PDSS2: variants seen among roughly 807,000 people sequenced by gnomAD.
PDSS2 encodes the protein decaprenyl diphosphate synthase subunit 2, also known as all trans-polyprenyl-diphosphate synthase PDSS2.
Under a neutral mutation model 44.5 loss-of-function variants are expected in PDSS2, and 31 were observed. That is an observed-to-expected ratio of 0.70 (90% CI 0.52 to 0.94). The LOEUF (loss-of-function observed/expected upper bound fraction) is 0.94. PDSS2 is among the 40% of genes least tolerant of loss of function. The probability of loss-of-function intolerance (pLI) is 0.00; values close to 1 mark genes in which losing one functional copy is unlikely to be tolerated. For missense variants in PDSS2, 452 were observed against 482.2 expected, an observed-to-expected ratio of 0.94 and a Z score of 0.59; for synonymous variants, 157 against 180.3, an observed-to-expected ratio of 0.87 and a Z score of 1.03.
chr6:107,459,217 C>T lies in PDSS2; in HGVS notation c.69G>A (p.Leu23=). Residue 23 remains leucine (L), a synonymous_variant, in exon 1 of 8, where the codon CTG becomes CTA. Coordinates refer to ENST00000369037, the MANE Select transcript of PDSS2 (RefSeq NM_020381.4). This position sits in a 1 kb window ranked among gnomAD's most constrained non-coding sequence, Gnocchi z 4.3. ...YLGASGSPRR[L]WWSPSLDTIS... ...TGGTGTCGAGGGACGGGGACCACCA[C>T]AGGCGACGCGGGGAACCCGAGGCTC... 1 of 1,614,130 alleles carries T rather than the reference C, an allele frequency of 6.2e-7. No homozygotes were observed. Among genetic ancestry groups the T allele is most frequent in the Non-Finnish European group, 8.5e-7 (1 of 1,180,014 alleles).
chr6:107,156,980 TAAAG>T (rs1770922600), intron 7 of PDSS2, among the ~76,000 whole-genome samples: 1 of 152,160 alleles, frequency 6.6e-6, no homozygotes, highest in Non-Finnish European at 1.5e-5. Flanking sequence ...AATCACTTCC[TAAAG>T]AGTCTTCCCA....
intron 7 of PDSS2, among the ~76,000 whole-genome samples, chr6:107,170,024 A>C (rs1217684397): frequency 6.6e-5 from 10 of 152,146 alleles, no homozygotes; most frequent in African/African-American, 1.9e-4. Flanking sequence ...GGGACATTTA[A>C]GTCTCCAGAG....
intron 1 of PDSS2, among the ~76,000 whole-genome samples, chr6:107,442,881 C>A (rs996673398): frequency 6.6e-6 from 1 of 152,172 alleles, no homozygotes; most frequent in Admixed American, 6.5e-5. Context: ...TTCCTCTATC[C>A]GCAAGAACAT....
chr6:107,359,427 A>G (rs1297355729), intron 1 of PDSS2, among the ~76,000 whole-genome samples: 2 of 151,634 alleles, frequency 1.3e-5, no homozygotes, highest in Non-Finnish European at 2.9e-5. Context: ...GTTCGAGACC[A>G]GCCTTGCCAA....
chr6:107,432,592 A>T (rs543583076), intron 1 of PDSS2, among the ~76,000 whole-genome samples: 1 of 152,200 alleles, frequency 6.6e-6, no homozygotes, highest in East Asian at 1.9e-4. Context: ...GGAGTTTGAG[A>T]CCAGCCTAGC....
intron 1 of PDSS2, among the ~76,000 whole-genome samples, chr6:107,428,705 T>G (rs1005784658): frequency 2.6e-5 from 4 of 152,052 alleles, no homozygotes; most frequent in Non-Finnish European, 5.9e-5. Flanking sequence ...GGTATAGTAG[T>G]GTACACCTAT....
At chr6:107,239,269 T>C (rs1437607570) in intron 4 of PDSS2, among the ~76,000 whole-genome samples, 1 of 152,048 alleles carries the variant, frequency 6.6e-6, no homozygotes, top group Admixed American at 6.6e-5. Context: ...AGAGAGAGAC[T>C]CCGTCTCAAA....
rs1782154367 is a variant in PDSS2 at position 107,459,039 on chromosome 6, G to C, written c.247C>G (p.Gln83Glu). Residue 83 changes from glutamine (Q) to glutamate (E), a missense_variant, in exon 1 of 8, where the codon CAG (glutamine) becomes GAG (glutamate). Physicochemically the swap from Gln to Glu is conservative, Grantham distance 29. Coordinates refer to ENST00000369037, the MANE Select transcript of PDSS2 (RefSeq NM_020381.4). This position sits in a 1 kb window ranked among gnomAD's most constrained non-coding sequence, Gnocchi z 4.3. ...TGAGTGCCCACCAGCTTCCGCACCT[G>C]CATAGCGATGTTGCTGAGCTCGTCG... The part of the protein sequence containing the change: ...LSDELSNIAM[Q>E]VRKLVGTQHP... The C allele has an allele frequency of 6.2e-7, 1 of 1,614,052 alleles. No homozygotes were observed. Among genetic ancestry groups the C allele is most frequent in the Non-Finnish European group, 8.5e-7 (1 of 1,180,030 alleles).
intron 1 of PDSS2, among the ~76,000 whole-genome samples, chr6:107,372,333 C>T (rs1296796892): frequency 6.6e-6 from 1 of 152,044 alleles, no homozygotes; most frequent in Non-Finnish European, 1.5e-5. Context: ...CTCTGAAGTA[C>T]AGCTATTCTA....
At chr6:107,187,387 C>T (rs540165773) in intron 7 of PDSS2, among the ~76,000 whole-genome samples, 2 of 152,066 alleles carry the variant, frequency 1.3e-5, no homozygotes, top group Non-Finnish European at 1.5e-5. Context: ...TCTTAAGGCC[C>T]GGTGTGGTGG....
intron 3 of PDSS2, among the ~76,000 whole-genome samples, chr6:107,254,667 T>C (rs1774945918): frequency 6.6e-6 from 1 of 152,142 alleles, no homozygotes; most frequent in South Asian, 2.1e-4. Context: ...TCTGAGAGAA[T>C]TATCCTTGCC....
chr6:107,172,438 C>G (rs941981249), intron 7 of PDSS2, among the ~76,000 whole-genome samples: 1 of 152,126 alleles, frequency 6.6e-6, no homozygotes, highest in Non-Finnish European at 1.5e-5. Flanking sequence ...CACCTGTAAT[C>G]CTAGCACTTT....
rs768899441 is a variant in PDSS2 at position 107,459,008 on chromosome 6, G to C, written c.278C>G (p.Pro93Arg). Residue 93 changes from proline (P) to arginine (R), a missense_variant, in exon 1 of 8, where the codon CCT (proline) becomes CGT (arginine). Transcript: ENST00000369037. This position sits in a 1 kb window ranked among gnomAD's most constrained non-coding sequence, Gnocchi z 4.3. Reference protein sequence around the residue: ...QVRKLVGTQHPLLTTARGLVH... With the variant: ...QVRKLVGTQHRLLTTARGLVH... Reference sequence around the variant, plus strand: ...AGCTCACCTGGCTGTGGTAAGCAGAGGGTGCTGAGTGCCCACCAGCTTCCG... The same window carrying C: ...AGCTCACCTGGCTGTGGTAAGCAGACGGTGCTGAGTGCCCACCAGCTTCCG... 1 of 1,614,088 alleles carries C rather than the reference G, an allele frequency of 6.2e-7. No homozygotes were observed. The highest frequency in any genetic ancestry group is 2.2e-5 in the East Asian group (1 of 44,872).
At chr6:107,318,226 C>T (rs1777263657) in intron 2 of PDSS2, among the ~76,000 whole-genome samples, 1 of 151,548 alleles carries the variant, frequency 6.6e-6, no homozygotes, top group Non-Finnish European at 1.5e-5. Flanking sequence ...TGGCTAATTT[C>T]CCTCCACTTC....
chr6:107,400,806 C>T (rs369290098), intron 1 of PDSS2, among the ~76,000 whole-genome samples: 1 of 152,188 alleles, frequency 6.6e-6, no homozygotes. Context: ...AGGGCCTGAG[C>T]ACAGACTTGC....
At chr6:107,255,535 G>A (rs1774986403) in intron 3 of PDSS2, among the ~76,000 whole-genome samples, 1 of 150,756 alleles carries the variant, frequency 6.6e-6, no homozygotes, top group Non-Finnish European at 1.5e-5. Context: ...GGAGGCGGAG[G>A]TTGCGGTGAG....
intron 7 of PDSS2, among the ~76,000 whole-genome samples, chr6:107,175,703 T>C (rs566880413): frequency 1.2e-4 from 18 of 152,306 alleles, no homozygotes; most frequent in African/African-American, 4.3e-4. Flanking sequence ...TGCCATATGG[T>C]TGTAGAACAA....
chr6:107,452,762 G>A (rs1160690189), intron 1 of PDSS2, among the ~76,000 whole-genome samples: 1 of 151,536 alleles, frequency 6.6e-6, no homozygotes, highest in East Asian at 2.0e-4. Flanking sequence ...CGCCTCCCAA[G>A]TTCAAGCGAT....
chr6:107,264,575 T>C (rs1775351524), intron 3 of PDSS2: 1 of 1,020,020 alleles, frequency 9.8e-7, no homozygotes, highest in African/African-American at 1.6e-5. Context: ...TATCATTATA[T>C]ATGTAAAGTA....
Sources: allele counts gnomAD v4.1 joint callset (sites outside exome capture counted in the v4.1 genomes callset), GRCh38; gene constraint gnomAD v4.1.1; non-coding constraint Gnocchi (gnomAD v3.1); transcripts MANE v1.5; gene names NCBI Gene and HGNC (gene_info 2026-07-23, HGNC 2026-07-21).